Variants in UBAP2 observed in about 807,000 individuals in gnomAD.
UBAP2 encodes the protein ubiquitin associated protein 2, also known as ubiquitin-associated protein 2.
In UBAP2, 75 loss-of-function variants were observed where a neutral mutation model predicts 139.6. That is an observed-to-expected ratio of 0.54 (90% CI 0.45 to 0.65). The LOEUF (loss-of-function observed/expected upper bound fraction) is 0.65. Ranked by LOEUF, UBAP2 falls within the 30% of genes least tolerant of loss-of-function variation. The pLI is 0.00. For missense variants in UBAP2, 1,368 were observed against 1,369.6 expected, an observed-to-expected ratio of 1.00 and a Z score of 0.02; for synonymous variants, 526 against 526.2, an observed-to-expected ratio of 1.00 and a Z score of 0.01.
Position 33,922,422 on chromosome 9 carries a change from G to T in UBAP2, c.*82C>A. 1.5e-6 allele frequency: 2 copies of T among 1,376,204 alleles called. No homozygotes were observed. The highest frequency in any genetic ancestry group is 1.0e-6 in the Non-Finnish European group (1 of 985,036). 85.2% of individuals were successfully genotyped at this position (1,376,204 alleles called of 1,614,324 possible). ...CACATGTCGGGAATTCTAGGAAAGG[G>T]CACTGGGCTCCCAAATACGTGCTCG... On this transcript the variant is annotated 3_prime_UTR_variant, in exon 29 of 29. Coordinates refer to ENST00000379238, the MANE Select transcript of UBAP2 (RefSeq NM_001370062.2).
intron 3 of UBAP2, chr9:33,997,896 C>A (rs919027088): frequency 6.4e-4 from 97 of 152,066 alleles, no homozygotes; most frequent in African/African-American, 2.2e-3. Context: ...CTCCAAAGAA[C>A]AATTATTAGA....
At chr9:34,036,865 A>G (rs1401037446) in intron 1 of UBAP2, among the ~76,000 whole-genome samples, 2 of 144,278 alleles carry the variant, frequency 1.4e-5, no homozygotes, top group Non-Finnish European at 3.0e-5. Flanking sequence ...GCTGGAGCAC[A>G]GTGGTGCGAT....
intron 1 of UBAP2, among the ~76,000 whole-genome samples, chr9:34,041,298 C>G (rs1036737862): frequency 1.5e-5 from 2 of 134,204 alleles, no homozygotes; most frequent in Admixed American, 7.6e-5. Context: ...ACTAAAAATG[C>G]AAAAAAAAAA....
At chr9:33,963,306 G>A (rs1379420493) in intron 9 of UBAP2, among the ~76,000 whole-genome samples, 1 of 152,136 alleles carries the variant, frequency 6.6e-6, no homozygotes, top group African/African-American at 2.4e-5. Context: ...ATTAAATACA[G>A]AAGGCAAAGG....
intron 1 of UBAP2, among the ~76,000 whole-genome samples, chr9:34,048,409 C>T (rs1827806912): frequency 6.6e-6 from 1 of 152,168 alleles, no homozygotes; most frequent in Admixed American, 6.5e-5. Context: ...AGTCCCAAGA[C>T]TAGCTACGGG....
rs745643165 is a variant in UBAP2 at position 33,948,627 on chromosome 9, A to C, written c.1057-40T>G. 2.5e-6 allele frequency: 4 copies of C among 1,572,024 alleles called. No individual in the cohort carries two copies. The South Asian group carries it at 3.4e-5, about 13-fold the overall frequency. On this transcript the variant is annotated intron_variant, in intron 12 of 28. Transcript: ENST00000379238. ...TAAAAGAACAAATCCTCAACAATAC[A>C]GAATTTCTGCCCAAGGCTTTAAAAC...
intron 4 of UBAP2, among the ~76,000 whole-genome samples, chr9:33,993,904 T>C (rs938179293): frequency 2.0e-5 from 3 of 151,080 alleles, no homozygotes; most frequent in Admixed American, 6.6e-5. Context: ...TTCTTTTTTT[T>C]TTTTTTTTGA....
In UBAP2 at chr9:33,938,815, C is replaced by A. The variant is rs894062924; in HGVS notation, c.1929+2834G>T. On this transcript the variant is annotated intron_variant, in intron 16 of 28. Transcript: ENST00000379238. ...CATCTCAAAAAAAAAAAAAAAAAAG[C>A]TTGTCATTGAAATTTCCATAGTTCA... 75 of 385,040 alleles carry A rather than the reference C, an allele frequency of 1.9e-4. 2 individuals are homozygous for A. Among genetic ancestry groups the A allele is most frequent in the South Asian group, 1.4e-3 (75 of 53,466 alleles). 23.9% of individuals were successfully genotyped at this position (385,040 alleles called of 1,614,324 possible). A position where few individuals can be genotyped will look rare whatever the true frequency, so the allele number is the denominator to read the frequency against.
In UBAP2 at chr9:33,924,205, C is replaced by T; in HGVS notation, c.2590+1G>A. Reference sequence around the variant, plus strand: ...ACTCCTCATCCATTGAGCAAACTCACCTGGATATGGATTATTAGCTAGGCT... The same window carrying T: ...ACTCCTCATCCATTGAGCAAACTCATCTGGATATGGATTATTAGCTAGGCT... On this transcript the variant is annotated splice_donor_variant, in intron 23 of 28. Coordinates refer to ENST00000379238, the MANE Select transcript of UBAP2 (RefSeq NM_001370062.2). LOFTEE classifies it high-confidence loss of function. The T allele has an allele frequency of 6.2e-7, 1 of 1,614,176 alleles. No homozygotes were observed. Among genetic ancestry groups the T allele is most frequent in the Non-Finnish European group, 8.5e-7 (1 of 1,180,000 alleles).
chr9:34,044,973 T>C (rs1004408207), intron 1 of UBAP2, among the ~76,000 whole-genome samples: 1 of 143,870 alleles, frequency 7.0e-6, no homozygotes, highest in Non-Finnish European at 1.5e-5. Context: ...AATAGTTAAC[T>C]GGATTCCAAT....
intron 13 of UBAP2, among the ~76,000 whole-genome samples, chr9:33,947,824 C>CAA (rs67708083): frequency 7.2e-6 from 1 of 139,100 alleles, no homozygotes; most frequent in Non-Finnish European, 1.6e-5. Flanking sequence ...GATCCTGACT[C>CAA]AAAAAAAAAA....
chr9:33,955,478 C>T (rs566280927), intron 11 of UBAP2, among the ~76,000 whole-genome samples: 90 of 151,706 alleles, frequency 5.9e-4, no homozygotes, highest in African/African-American at 2.1e-3. Context: ...CGAGATCGTG[C>T]CACTGCACTC....
chr9:33,941,826 T>A lies in UBAP2; in HGVS notation c.1752A>T (p.Ala584=), dbSNP rs749931187. 6.2e-7 allele frequency: 1 copy of A among 1,614,008 alleles called. No homozygotes were observed. The highest frequency in any genetic ancestry group is 1.1e-5 in the South Asian group (1 of 91,072). Residue 584 remains alanine, a synonymous_variant, in exon 16 of 29, where the codon GCA becomes GCT. Coordinates refer to ENST00000379238, the MANE Select transcript of UBAP2 (RefSeq NM_001370062.2). ...AAGTTGTATATGTGGAGTTCTGTAC[T>A]GCACTGGTCATTGATAAAGATGTAT... ...PLNTSLSMTS[A]VQNSTYTTSV...
intron 12 of UBAP2, among the ~76,000 whole-genome samples, chr9:33,950,523 G>C (rs1826010704): frequency 6.6e-6 from 1 of 152,184 alleles, no homozygotes; most frequent in Non-Finnish European, 1.5e-5. Context: ...TAAAACATTA[G>C]GTTATGGACA....
intron 1 of UBAP2, among the ~76,000 whole-genome samples, chr9:34,041,407 G>T (rs1247290644): frequency 6.7e-6 from 1 of 148,572 alleles, no homozygotes; most frequent in African/African-American, 2.5e-5. Flanking sequence ...AGAGGTTGCA[G>T]TGAGCCAAGA....
intron 1 of UBAP2, among the ~76,000 whole-genome samples, chr9:34,045,789 T>C (rs1441276665): frequency 6.6e-6 from 1 of 152,200 alleles, no homozygotes; most frequent in Non-Finnish European, 1.5e-5. Flanking sequence ...TCTGATAAAT[T>C]TGATTCTTTG....
Position 33,933,584 on chromosome 9 carries a change from A to T in UBAP2, c.2014T>A (p.Ser672Thr), listed in dbSNP as rs35629796. 18 of 1,613,946 alleles carry T rather than the reference A, an allele frequency of 1.1e-5. No individual in the cohort carries two copies. Among genetic ancestry groups the T allele is most frequent in the Non-Finnish European group, 1.5e-5 (18 of 1,179,986 alleles). ...GPPSALPSVS[S>T]LPSTTSCTAL... ...GTGCAGGAGGTGGTGCTGGGCAGGG[A>T]GCTCACAGACGGGAGGGCAGAGGGA... The change falls in exon 18 of 29, where the codon TCC becomes ACC. Residue 672 changes from serine (S) to threonine (T), a missense_variant. Ser to Thr is a moderately conservative substitution (Grantham distance 58). Coordinates refer to ENST00000379238, the MANE Select transcript of UBAP2 (RefSeq NM_001370062.2).
At chr9:33,966,605 C>T (rs112968439) in intron 8 of UBAP2, among the ~76,000 whole-genome samples, 285 of 152,170 alleles carry the variant, frequency 1.9e-3, no homozygotes, top group Middle Eastern at 3.4e-3. Flanking sequence ...AATATGTTCC[C>T]TTTTATGAGG....
rs141917867 is a variant in UBAP2, at chr9:33,922,765, T to C, written c.3186A>G (p.Pro1062=). ...ASGAAPGYAP[P]PFLHILPAHQ... Reference sequence around the variant, plus strand: ...GGGCTGGCAAGATGTGTAGGAATGGTGGGGGTGCATAGCCAGGGGCCGCTC... The same window carrying C: ...GGGCTGGCAAGATGTGTAGGAATGGCGGGGGTGCATAGCCAGGGGCCGCTC... Residue 1062 remains proline, a synonymous_variant, in exon 28 of 29, where the codon CCA becomes CCG. Coordinates refer to ENST00000379238, the MANE Select transcript of UBAP2 (RefSeq NM_001370062.2). 4 of 1,559,048 alleles carry C rather than the reference T, an allele frequency of 2.6e-6. No homozygotes were observed. Among genetic ancestry groups the C allele is most frequent in the Admixed American group, 3.8e-5 (2 of 52,530 alleles).
Sources: gnomAD v4.1 joint callset for allele counts (sites outside exome capture counted in the v4.1 genomes callset) on GRCh38, gnomAD v4.1.1 for gene constraint, MANE v1.5 for transcripts, NCBI Gene and HGNC (gene_info 2026-07-23, HGNC 2026-07-21) for gene names.